RFX3: variants seen among roughly 807,000 people sequenced by gnomAD.
RFX3 encodes regulatory factor X3, also known as transcription factor RFX3.
A neutral mutation model predicts 98.6 loss-of-function variants in RFX3; 14 were observed. That is an observed-to-expected ratio of 0.14 (90% CI 0.09 to 0.22). The LOEUF (loss-of-function observed/expected upper bound fraction) is 0.22, where lower values mean the gene tolerates loss of function less well. Ranked by LOEUF, RFX3 falls within the 10% of genes least tolerant of loss-of-function variation. The probability of loss-of-function intolerance (pLI) is 1.00; values close to 1 mark genes in which losing one functional copy is unlikely to be tolerated. For synonymous variants in RFX3, 383 were observed against 328.4 expected, an observed-to-expected ratio of 1.17 and a Z score of -1.80; for missense variants, 639 against 926.9, an observed-to-expected ratio of 0.69 and a Z score of 4.03.
intron 1 of RFX3, among the ~76,000 whole-genome samples, chr9:3,506,142 G>C (rs1817069716): frequency 6.6e-6 from 1 of 151,002 alleles, no homozygotes; most frequent in South Asian, 2.1e-4. Flanking sequence ...CATCTCGAGA[G>C]ATGGTATACA....
intron 1 of RFX3, among the ~76,000 whole-genome samples, chr9:3,483,557 C>T (rs1467600265): frequency 6.6e-6 from 1 of 152,104 alleles, no homozygotes; most frequent in Non-Finnish European, 1.5e-5. Flanking sequence ...CCATAGTGGC[C>T]GGGCTCTGTT....
intron 1 of RFX3, among the ~76,000 whole-genome samples, chr9:3,414,646 ATATATATGTATATATGAG>A (rs1462812223): frequency 2.7e-4 from 37 of 138,208 alleles, no homozygotes; most frequent in Non-Finnish European, 3.9e-4. Flanking sequence ...ATATATGAGT[ATATATATGTATATATGAG>A]TATATATGTA....
chr9:3,350,012 A>T (rs1834912369), intron 2 of RFX3, among the ~76,000 whole-genome samples: 1 of 152,134 alleles, frequency 6.6e-6, no homozygotes, highest in South Asian at 2.1e-4. Context: ...AGAAAGATTG[A>T]TAATCCTATT....
intron 1 of RFX3, among the ~76,000 whole-genome samples, chr9:3,489,679 C>T (rs1850583241): frequency 6.6e-6 from 1 of 152,094 alleles, no homozygotes; most frequent in Admixed American, 6.5e-5. Context: ...ATATATGTGG[C>T]ATATACACTT....
intron 3 of RFX3, among the ~76,000 whole-genome samples, chr9:3,330,847 A>G (rs1402105294): frequency 1.3e-5 from 2 of 152,170 alleles, no homozygotes; most frequent in African/African-American, 4.8e-5. Context: ...AAAATGTACT[A>G]CAAATCCCAG....
Position 3,439,173 on chromosome 9 carries a change from C to A in RFX3, c.-8-43577G>T, listed in dbSNP as rs578222441. ...AAAAATTTGTAGTAAGCCACTAAAA[C>A]AGTACTTATAGGGAAATTTATACTA... On this transcript the variant is annotated intron_variant, in intron 1 of 16. Coordinates refer to ENST00000617270, the MANE Select transcript of RFX3 (RefSeq NM_001282116.2). Among the ~76,000 whole-genome samples the A allele has an allele frequency of 7.9e-5, 12 of 151,734 alleles. No individual in the cohort carries two copies. In the East Asian group the frequency reaches 1.7e-3, roughly 22 times the overall value.
intron 14 of RFX3, among the ~76,000 whole-genome samples, chr9:3,249,342 T>G (rs960923515): frequency 2.0e-5 from 3 of 152,200 alleles, no homozygotes; most frequent in Non-Finnish European, 4.4e-5. Context: ...CACAGAAGCC[T>G]TGAATTCTGA....
intron 1 of RFX3, among the ~76,000 whole-genome samples, chr9:3,480,504 C>G (rs550749220): frequency 9.5e-4 from 144 of 152,272 alleles, no homozygotes; most frequent in African/African-American, 3.2e-3. Flanking sequence ...TGACTTCACA[C>G]GAGCATGAAT....
At position 3,374,566 on chromosome 9, in the gene RFX3, C is replaced by T. The variant is rs114048533; in HGVS notation, c.117+20906G>A. Among the ~76,000 whole-genome samples the T allele has an allele frequency of 6.0e-3, 908 of 152,222 alleles. 5 individuals are homozygous for T. The highest frequency in any genetic ancestry group is 0.021 in the African/African-American group (856 of 41,514). On this transcript the variant is annotated intron_variant, in intron 2 of 16. Coordinates refer to ENST00000617270, the MANE Select transcript of RFX3 (RefSeq NM_001282116.2). ...GGAAATTCTGATACATGCTACAACA[C>T]GGATGAACTTTGAGGACATTTCGCT...
intron 7 of RFX3, among the ~76,000 whole-genome samples, chr9:3,282,831 G>T (rs1009162905): frequency 6.6e-6 from 1 of 151,722 alleles, no homozygotes; most frequent in Non-Finnish European, 1.5e-5. Context: ...TTCTATCTAG[G>T]AAGAAATAAA....
At chr9:3,302,953 T>C (rs1238114328) in intron 4 of RFX3, among the ~76,000 whole-genome samples, 3 of 151,776 alleles carry the variant, frequency 2.0e-5, no homozygotes, top group African/African-American at 7.3e-5. Context: ...CTGAAAAGAG[T>C]ATGTTAGGTT....
intron 3 of RFX3, among the ~76,000 whole-genome samples, chr9:3,336,527 A>C (rs1373905983): frequency 6.6e-6 from 1 of 152,162 alleles, no homozygotes; most frequent in Non-Finnish European, 1.5e-5. Context: ...GATGAAAAGG[A>C]GTCAGCCCTA....
At chr9:3,336,208 A>G (rs1446014019) in intron 3 of RFX3, among the ~76,000 whole-genome samples, 1 of 152,146 alleles carries the variant, frequency 6.6e-6, no homozygotes, top group East Asian at 1.9e-4. Flanking sequence ...TGGGTACAAC[A>G]TTTTATTGCT....
chr9:3,255,410 G>A (rs1821993950), intron 14 of RFX3, among the ~76,000 whole-genome samples: 1 of 152,194 alleles, frequency 6.6e-6, no homozygotes, highest in Admixed American at 6.5e-5. Flanking sequence ...TCCAGAGGAT[G>A]ACCATAGTGT....
chr9:3,477,084 T>C (rs990732901), intron 1 of RFX3, among the ~76,000 whole-genome samples: 3 of 152,164 alleles, frequency 2.0e-5, no homozygotes, highest in Non-Finnish European at 4.4e-5. Flanking sequence ...ATTTTTGTTC[T>C]AATTTTTGTT....
chr9:3,268,889 C>T (rs923242825), intron 11 of RFX3, among the ~76,000 whole-genome samples: 1 of 151,940 alleles, frequency 6.6e-6, no homozygotes, highest in Non-Finnish European at 1.5e-5. Context: ...GACATCCCTT[C>T]TTTTATCTCA....
intron 1 of RFX3, among the ~76,000 whole-genome samples, chr9:3,474,247 T>C (rs1849027663): frequency 6.6e-6 from 1 of 152,258 alleles, no homozygotes; most frequent in African/African-American, 2.4e-5. Flanking sequence ...CCCTTGGTCC[T>C]AGTCACAAAA....
At chr9:3,273,376 A>C (rs757549492) in intron 9 of RFX3, among the ~76,000 whole-genome samples, 5 of 152,278 alleles carry the variant, frequency 3.3e-5, no homozygotes, top group Admixed American at 6.5e-5. Flanking sequence ...CACAGATTAT[A>C]ATATATGTCC....
At chr9:3,444,560 C>G (rs535812975) in intron 1 of RFX3, among the ~76,000 whole-genome samples, 3 of 152,222 alleles carry the variant, frequency 2.0e-5, no homozygotes, top group South Asian at 4.2e-4. Context: ...TAAAAGTTAA[C>G]TATATGCAGT....
Sources: allele counts gnomAD v4.1 joint callset (sites outside exome capture counted in the v4.1 genomes callset), GRCh38; gene constraint gnomAD v4.1.1; transcripts MANE v1.5; gene names NCBI Gene and HGNC (gene_info 2026-07-23, HGNC 2026-07-21).